Variants in CNTNAP2 observed in about 807,000 individuals in gnomAD.
The protein encoded by CNTNAP2 is contactin-associated protein-like 2.
A neutral mutation model predicts 155.2 loss-of-function variants in CNTNAP2; 98 were observed. The ratio of observed to expected loss-of-function variants is 0.63; its 90% confidence interval spans 0.54 to 0.75. The LOEUF (loss-of-function observed/expected upper bound fraction) is 0.75. Among genes scored for constraint, CNTNAP2 ranks in the 30% least tolerant of loss-of-function variants. CNTNAP2 has a pLI of 0.00. For synonymous variants in CNTNAP2, 651 were observed against 631.2 expected (o/e 1.03, Z -0.47); for missense variants, 1,727 against 1,688.1 (o/e 1.02, Z -0.40).
intron 1 of CNTNAP2, among the ~76,000 whole-genome samples, chr7:146,635,646 T>G (rs1799585214): frequency 6.6e-6 from 1 of 152,126 alleles, no homozygotes; most frequent in African/African-American, 2.4e-5. Context: ...TGTAAGAGGC[T>G]TTTGTCTGTT....
intron 1 of CNTNAP2, among the ~76,000 whole-genome samples, chr7:146,289,343 T>C (rs1381416496): frequency 6.6e-6 from 1 of 152,226 alleles, no homozygotes; most frequent in Non-Finnish European, 1.5e-5. Context: ...ATTTAAAATG[T>C]AGAATGCAGA....
Position 146,732,440 on chromosome 7 carries a change from C to T in CNTNAP2, c.98-41831C>T, listed in dbSNP as rs79926118. Among the ~76,000 whole-genome samples, 671 of 152,212 alleles carry T rather than the reference C, an allele frequency of 4.4e-3. 4 individuals are homozygous for T. The highest frequency in any genetic ancestry group is 0.015 in the African/African-American group (604 of 41,558). ...AGTCAGTGAGGAAAATATTGTATGT[C>T]AGATGCTTTTCTCAGCTCTATTTTC... On this transcript the variant is annotated intron_variant, in intron 1 of 23. Coordinates refer to ENST00000361727, the MANE Select transcript of CNTNAP2 (RefSeq NM_014141.6).
At chr7:147,192,440 A>T (rs1463058300) in intron 8 of CNTNAP2, among the ~76,000 whole-genome samples, 3 of 152,134 alleles carry the variant, frequency 2.0e-5, no homozygotes, top group Non-Finnish European at 4.4e-5. Flanking sequence ...CTGATCCATT[A>T]GTTCTCAGTG....
intron 19 of CNTNAP2, 63 bp from the exon 20 acceptor site, chr7:148,229,583 G>T: frequency 6.4e-7 from 1 of 1,554,228 alleles, no homozygotes; most frequent in Non-Finnish European, 8.9e-7. Context: ...GAATTGAGGG[G>T]ATGTGACATT....
At chr7:148,095,572 T>C (rs1423741265) in intron 15 of CNTNAP2, among the ~76,000 whole-genome samples, 1 of 152,180 alleles carries the variant, frequency 6.6e-6, no homozygotes, top group Non-Finnish European at 1.5e-5. Context: ...GACTGAGTGA[T>C]TGGAAATAGC....
chr7:148,132,108 T>A (rs1056053151), intron 16 of CNTNAP2, among the ~76,000 whole-genome samples: 1 of 152,174 alleles, frequency 6.6e-6, no homozygotes, highest in Non-Finnish European at 1.5e-5. Flanking sequence ...ATCCCCTCAA[T>A]CTATAAAAAT....
intron 8 of CNTNAP2, among the ~76,000 whole-genome samples, chr7:147,171,321 T>C (rs1563101685): frequency 5.9e-5 from 9 of 152,194 alleles, no homozygotes. Flanking sequence ...AAGATCTTTT[T>C]AAATTACAGT....
chr7:147,625,958 A>T (rs115191080), intron 12 of CNTNAP2, among the ~76,000 whole-genome samples: 3,083 of 152,260 alleles, frequency 0.02, 111 homozygotes, highest in African/African-American at 0.07. Context: ...AGGGAGTCAC[A>T]TGAAATATAA....
At chr7:146,672,211 C>T (rs969368539) in intron 1 of CNTNAP2, among the ~76,000 whole-genome samples, 1 of 152,158 alleles carries the variant, frequency 6.6e-6, no homozygotes, top group Non-Finnish European at 1.5e-5. Context: ...TTCCAAAACG[C>T]AGTGACCGTT....
chr7:147,995,090 G>A (rs945688068), intron 15 of CNTNAP2, among the ~76,000 whole-genome samples: 1 of 152,162 alleles, frequency 6.6e-6, no homozygotes, highest in Non-Finnish European at 1.5e-5. Flanking sequence ...GGCATCATGT[G>A]TGAAATGCTG....
chr7:146,662,804 T>C (rs1800115802), intron 1 of CNTNAP2, among the ~76,000 whole-genome samples: 1 of 152,210 alleles, frequency 6.6e-6, no homozygotes, highest in Admixed American at 6.5e-5. Flanking sequence ...CATATGTAAT[T>C]GAACATTTTT....
At chr7:147,753,587 C>T (rs547373124) in intron 13 of CNTNAP2, among the ~76,000 whole-genome samples, 37 of 151,840 alleles carry the variant, frequency 2.4e-4, no homozygotes, top group African/African-American at 7.5e-4. Flanking sequence ...ACACAGAAAT[C>T]GAAGAAATTT....
intron 10 of CNTNAP2, among the ~76,000 whole-genome samples, chr7:147,453,512 A>G (rs1469008236): frequency 6.6e-6 from 1 of 152,204 alleles, no homozygotes; most frequent in Non-Finnish European, 1.5e-5. Context: ...GGAATTATTC[A>G]ATAATTCTAT....
chr7:147,875,276 A>C (rs373032392), intron 13 of CNTNAP2, among the ~76,000 whole-genome samples: 1 of 152,222 alleles, frequency 6.6e-6, no homozygotes, highest in African/African-American at 2.4e-5. Context: ...ACACTTCCAC[A>C]TGGCTGGGAA....
chr7:147,897,863 C>T (rs10265762), intron 13 of CNTNAP2, among the ~76,000 whole-genome samples: 2 of 152,214 alleles, frequency 1.3e-5, no homozygotes, highest in East Asian at 1.9e-4. Context: ...TGCTTTACCA[C>T]TTACCCTGAT....
chr7:146,402,138 A>C (rs2129108674), intron 1 of CNTNAP2, among the ~76,000 whole-genome samples: 1 of 152,270 alleles, frequency 6.6e-6, no homozygotes, highest in South Asian at 2.1e-4. Context: ...TACATTGCGC[A>C]ACTGTACCAC....
chr7:146,456,582 G>T (rs1429652148), intron 1 of CNTNAP2, among the ~76,000 whole-genome samples: 1 of 152,118 alleles, frequency 6.6e-6, no homozygotes, highest in Non-Finnish European at 1.5e-5. Context: ...CAAAATCTGA[G>T]ATTCTAGGCC....
chr7:146,135,551 T>G (rs1797785181), intron 1 of CNTNAP2, among the ~76,000 whole-genome samples: 1 of 152,016 alleles, frequency 6.6e-6, no homozygotes, highest in South Asian at 2.1e-4. Context: ...TGGAATAGAG[T>G]TTCCAGGTTA....
intron 13 of CNTNAP2, among the ~76,000 whole-genome samples, chr7:147,835,430 T>G (rs748551500): frequency 1.3e-5 from 2 of 152,142 alleles, no homozygotes; most frequent in African/African-American, 4.8e-5. Context: ...GCCAAGATAG[T>G]GGCCAAGCCA....
Sources: gnomAD v4.1 joint callset for allele counts (sites outside exome capture counted in the v4.1 genomes callset) on GRCh38, gnomAD v4.1.1 for gene constraint, MANE v1.5 for transcripts, NCBI Gene and HGNC (gene_info 2026-07-23, HGNC 2026-07-21) for gene names.